Variants in RGS7BP observed in about 807,000 individuals in gnomAD.
RGS7BP encodes regulator of G protein signaling 7-binding protein.
RGS7BP carries 9 observed loss-of-function variants against 31.3 expected under a neutral mutation model. The observed-to-expected ratio is 0.29, with a 90% CI of 0.17 to 0.50. The LOEUF is 0.50. Among genes scored for constraint, RGS7BP ranks in the 20% least tolerant of loss-of-function variants. RGS7BP has a pLI of 0.98. For synonymous variants in RGS7BP, 115 were observed against 120.1 expected (o/e 0.96, Z 0.28); for missense variants, 274 against 322.0 (o/e 0.85, Z 1.14).
At chr5:64,526,933 C>T (rs950350154) in intron 2 of RGS7BP, among the ~76,000 whole-genome samples, 2 of 152,218 alleles carry the variant, frequency 1.3e-5, no homozygotes, top group African/African-American at 4.8e-5. Context: ...CCTCTACCAC[C>T]TGTAAAGCAA....
intron 2 of RGS7BP, among the ~76,000 whole-genome samples, chr5:64,543,294 A>G (rs1038916350): frequency 1.3e-5 from 2 of 152,254 alleles, no homozygotes; most frequent in African/African-American, 4.8e-5. Flanking sequence ...TTCACTCTAA[A>G]GTAGACAAGA....
intron 5 of RGS7BP, among the ~76,000 whole-genome samples, chr5:64,600,916 G>C (rs916534897): frequency 6.6e-6 from 1 of 152,148 alleles, no homozygotes; most frequent in Non-Finnish European, 1.5e-5. Flanking sequence ...GATGCATATG[G>C]CACCATTTTA....
intron 3 of RGS7BP, among the ~76,000 whole-genome samples, chr5:64,577,785 G>A (rs552487481): frequency 2.3e-4 from 35 of 152,144 alleles, no homozygotes; most frequent in African/African-American, 6.5e-4. Context: ...ACATAAACAC[G>A]CATACAGAGT....
At chr5:64,546,776 G>C (rs1238852221) in intron 2 of RGS7BP, among the ~76,000 whole-genome samples, 1 of 152,114 alleles carries the variant, frequency 6.6e-6, no homozygotes, top group Admixed American at 6.5e-5. Context: ...TATGAAATTA[G>C]CAGGATTTAT....
chr5:64,601,337 C>A (rs185025879), intron 5 of RGS7BP: 1 of 454,094 alleles, frequency 2.2e-6, no homozygotes, highest in African/African-American at 2.1e-5. Context: ...GCCGTCAACT[C>A]CAAAACTGTT....
Position 64,559,204 on chromosome 5 carries a change from G to A in RGS7BP, c.333-16570G>A, listed in dbSNP as rs1327083081. 3.3e-5 allele frequency among the ~76,000 whole-genome samples: 5 copies of A among 152,224 alleles called. No individual in the cohort carries two copies. The East Asian group carries it at 5.8e-4, about 18-fold the overall frequency. The stretch of plus-strand genomic sequence containing the variant: ...GGGGCATCACAGAACCTGCTGACAT[G>A]TGATGTCTCCCCCAGACACCCAGCT... On this transcript the variant is annotated intron_variant, in intron 2 of 5. Transcript: ENST00000334025.
At chr5:64,539,964 T>G (rs531851763) in intron 2 of RGS7BP, among the ~76,000 whole-genome samples, 1 of 152,200 alleles carries the variant, frequency 6.6e-6, no homozygotes, top group African/African-American at 2.4e-5. Context: ...TTCGTTCAAC[T>G]GATTTGCACA....
intron 3 of RGS7BP, among the ~76,000 whole-genome samples, chr5:64,576,759 G>C (rs1481295415): frequency 6.6e-6 from 1 of 152,220 alleles, no homozygotes; most frequent in Non-Finnish European, 1.5e-5. Context: ...TGTGGTGGGA[G>C]AGTGTGGAAT....
intron 2 of RGS7BP, among the ~76,000 whole-genome samples, chr5:64,546,154 A>AAAAAC (rs531651308): frequency 1.6e-3 from 237 of 152,260 alleles, no homozygotes; most frequent in African/African-American, 4.1e-3. Flanking sequence ...ACTCTGTCTC[A>AAAAAC]AAAACAAAAC....
intron 2 of RGS7BP, among the ~76,000 whole-genome samples, chr5:64,528,037 T>C (rs541745030): frequency 9.2e-5 from 14 of 152,374 alleles, no homozygotes; most frequent in African/African-American, 3.4e-4. Context: ...CTTTAGCTTT[T>C]ATATTTATTA....
rs1393228333 is a variant in RGS7BP at position 64,556,388 on chromosome 5, A to T, written c.333-19386A>T. On this transcript the variant is annotated intron_variant, in intron 2 of 5. Coordinates refer to ENST00000334025, the MANE Select transcript of RGS7BP (RefSeq NM_001029875.3). Reference sequence around the variant, plus strand: ...AAATGTTTATGATATCGTGATAAGTAAAAAAAAAAAAAAAGCAATCTTCCC... The same window carrying T: ...AAATGTTTATGATATCGTGATAAGTTAAAAAAAAAAAAAAGCAATCTTCCC... Among the ~76,000 whole-genome samples the T allele has an allele frequency of 6.2e-5, 5 of 80,566 alleles. No individual in the cohort carries two copies. In the South Asian group the frequency reaches 2.2e-3, roughly 35 times the overall value. The allele number at this position is 80,566 out of a possible 152,430, so 52.9% of individuals were successfully genotyped here. A position where few individuals can be genotyped will look rare whatever the true frequency, so the allele number is the denominator to read the frequency against.
rs1743443820 is a variant in RGS7BP, at chr5:64,609,275, T to C, written c.*23T>C. 1 of 1,340,996 alleles carries C rather than the reference T, an allele frequency of 7.5e-7. No individual in the cohort carries two copies. Among genetic ancestry groups the C allele is most frequent in the East Asian group, 2.3e-5 (1 of 43,718 alleles). The allele number at this position is 1,340,996 out of a possible 1,614,324, so 83.1% of individuals were successfully genotyped here. On this transcript the variant is annotated 3_prime_UTR_variant, in exon 6 of 6. Coordinates refer to ENST00000334025, the MANE Select transcript of RGS7BP (RefSeq NM_001029875.3). ...TAGGTGGCTCCTCCTGGAAACCCAC[T>C]GAGAACATCTGAAAAAAAATCACAA...
At chr5:64,605,557 C>G (rs541014512) in intron 5 of RGS7BP, among the ~76,000 whole-genome samples, 61 of 152,284 alleles carry the variant, frequency 4.0e-4, no homozygotes, top group African/African-American at 1.4e-3. Flanking sequence ...CCCAGGAATA[C>G]TTACTGCTTG....
intron 2 of RGS7BP, among the ~76,000 whole-genome samples, chr5:64,552,873 T>C (rs548966246): frequency 1.8e-4 from 28 of 152,206 alleles, no homozygotes; most frequent in Admixed American, 1.7e-3. Context: ...CATGGGACAG[T>C]TGCAAAAGCC....
intron 2 of RGS7BP, among the ~76,000 whole-genome samples, chr5:64,546,338 C>A (rs1274996940): frequency 6.6e-6 from 1 of 151,510 alleles, no homozygotes; most frequent in African/African-American, 2.4e-5. Flanking sequence ...AGAGATAAGA[C>A]CCTGGAGACC....
chr5:64,571,129 A>G (rs1742292784), intron 2 of RGS7BP, among the ~76,000 whole-genome samples: 1 of 152,090 alleles, frequency 6.6e-6, no homozygotes, highest in South Asian at 2.1e-4. Flanking sequence ...AATATTTACC[A>G]TCAGTTTTAC....
chr5:64,554,176 T>C (rs1197660100), intron 2 of RGS7BP, among the ~76,000 whole-genome samples: 1 of 152,026 alleles, frequency 6.6e-6, no homozygotes, highest in Non-Finnish European at 1.5e-5. Flanking sequence ...AGGAGAAGAG[T>C]TAAGCCAGGG....
intron 2 of RGS7BP, among the ~76,000 whole-genome samples, chr5:64,523,491 G>A (rs894246029): frequency 6.6e-6 from 1 of 152,202 alleles, no homozygotes; most frequent in Non-Finnish European, 1.5e-5. Context: ...CCACCTGCTT[G>A]TTTGTTCAGA....
chr5:64,506,497 C>G lies in RGS7BP; in HGVS notation c.-128C>G. The G allele has an allele frequency of 1.4e-6, 1 of 737,434 alleles. No individual in the cohort carries two copies. The highest frequency in any genetic ancestry group is 2.2e-6 in the Non-Finnish European group (1 of 460,724). The allele number at this position is 737,434 out of a possible 1,614,324, so 45.7% of individuals were successfully genotyped here. On this transcript the variant is annotated 5_prime_UTR_variant, in exon 1 of 6. Coordinates refer to ENST00000334025, the MANE Select transcript of RGS7BP (RefSeq NM_001029875.3). This position sits in a 1 kb window ranked among gnomAD's most constrained non-coding sequence, Gnocchi z 4.6. ...AGGTTACCGACCCGCGCAGCCAGCCCCAGCACTGTGAGCTGCGCGCCTCAG... is the reference window on the plus strand; with the variant it reads ...AGGTTACCGACCCGCGCAGCCAGCCGCAGCACTGTGAGCTGCGCGCCTCAG...
Sources: allele counts gnomAD v4.1 joint callset (sites outside exome capture counted in the v4.1 genomes callset), GRCh38; gene constraint gnomAD v4.1.1; non-coding constraint Gnocchi (gnomAD v3.1); transcripts MANE v1.5; gene names NCBI Gene and HGNC (gene_info 2026-07-23, HGNC 2026-07-21).